CAB39: variants seen among roughly 807,000 people sequenced by gnomAD.
The protein encoded by CAB39 is calcium-binding protein 39.
CAB39 carries 8 observed loss-of-function variants against 40.0 expected under a neutral mutation model. That is an observed-to-expected ratio of 0.20 (90% CI 0.12 to 0.36). The LOEUF is 0.36. Ranked by LOEUF, CAB39 falls within the 10% of genes least tolerant of loss-of-function variation. The pLI, the probability that CAB39 is intolerant of heterozygous loss-of-function variation, is 1.00. For synonymous variants in CAB39, 156 were observed against 141.6 expected (o/e 1.10, Z -0.72); for missense variants, 270 against 401.1 (o/e 0.67, Z 2.79).
Position 230,819,982 on chromosome 2 carries a change from G to A in CAB39, c.*1278G>A, listed in dbSNP as rs995052894. The A allele has an allele frequency of 1.4e-4, 21 of 152,546 alleles. No individual in the cohort carries two copies. Among genetic ancestry groups the A allele is most frequent in the Non-Finnish European group, 2.6e-4 (18 of 68,014 alleles). The allele number at this position is 152,546 out of a possible 1,614,324, so 9.4% of individuals were successfully genotyped here. On this transcript the variant is annotated 3_prime_UTR_variant, in exon 9 of 9. Coordinates refer to ENST00000258418, the MANE Select transcript of CAB39 (RefSeq NM_016289.4). ...GGAAAAGACGACTTCCTAGTCATAG[G>A]TGTCCTATGGGGAAATTTATTTTTT...
At chr2:230,790,423 C>CTT (rs1695873969) in intron 2 of CAB39, among the ~76,000 whole-genome samples, 1 of 152,112 alleles carries the variant, frequency 6.6e-6, no homozygotes, top group Non-Finnish European at 1.5e-5. Context: ...TTATTTCCTC[C>CTT]ACACCTTTTC....
In CAB39 at chr2:230,775,660, A is replaced by G. The variant is rs1419861165; in HGVS notation, c.115-15212A>G. On this transcript the variant is annotated intron_variant, in intron 2 of 8. Transcript: ENST00000258418. Reference sequence around the variant, plus strand: ...TCCCTTCAAAATTATTTCTAAAAAGATGACTTAACAGTGGTGCGCATTGGA... The same window carrying G: ...TCCCTTCAAAATTATTTCTAAAAAGGTGACTTAACAGTGGTGCGCATTGGA... 3.9e-5 allele frequency among the ~76,000 whole-genome samples: 6 copies of G among 152,062 alleles called. No homozygotes were observed. The East Asian group carries it at 1.2e-3, about 29-fold the overall frequency.
chr2:230,783,194 C>T (rs1039911442), intron 2 of CAB39, among the ~76,000 whole-genome samples: 2 of 152,126 alleles, frequency 1.3e-5, no homozygotes, highest in Non-Finnish European at 2.9e-5. Flanking sequence ...AGCTTGGGGA[C>T]TTGTCCACAC....
At position 230,735,366 on chromosome 2, in the gene CAB39, C is replaced by T. The variant is rs145246524; in HGVS notation, c.-44+22136C>T. Among the ~76,000 whole-genome samples the T allele has an allele frequency of 1.2e-3, 185 of 152,232 alleles. 2 individuals carry two copies. Among genetic ancestry groups the T allele is most frequent in the East Asian group, 8.9e-3 (46 of 5,176 alleles). ...ATTTTTAGTAGAGATGGGGTTTCAC[C>T]ATGTTGGCCAGGCTGGTCTTGAACT... On this transcript the variant is annotated intron_variant, in intron 1 of 8. Transcript: ENST00000258418.
intron 5 of CAB39, among the ~76,000 whole-genome samples, chr2:230,803,825 A>G (rs1470323665): frequency 6.6e-6 from 1 of 152,252 alleles, no homozygotes; most frequent in Non-Finnish European, 1.5e-5. Context: ...CATACTGCCC[A>G]AGGTAATTTA....
At position 230,764,882 on chromosome 2, in the gene CAB39, A is replaced by G. The variant is rs548746037; in HGVS notation, c.114+4767A>G. On this transcript the variant is annotated intron_variant, in intron 2 of 8. Transcript: ENST00000258418. ...GGAGCCAAAGGTACTTTATATGTAC[A>G]TGCCATTTGTTAACTCCAAGTGTTA... Among the ~76,000 whole-genome samples the G allele has an allele frequency of 3.3e-5, 5 of 152,390 alleles. No homozygotes were observed. The East Asian group carries it at 9.6e-4, about 29-fold the overall frequency.
intron 1 of CAB39, among the ~76,000 whole-genome samples, chr2:230,756,807 C>G (rs1394503009): frequency 6.6e-6 from 1 of 152,074 alleles, no homozygotes; most frequent in East Asian, 1.9e-4. Flanking sequence ...ATTCTCCTGC[C>G]TCAGCCTCCT....
At position 230,745,867 on chromosome 2, in the gene CAB39, C is replaced by T. The variant is rs9917374; in HGVS notation, c.-43-14092C>T. ...TTCTTGATCCCCTGACCTTGTGATC[C>T]GCCTGCTTCGGCCTCCCAAAGTGCT... On this transcript the variant is annotated intron_variant, in intron 1 of 8. Coordinates refer to ENST00000258418, the MANE Select transcript of CAB39 (RefSeq NM_016289.4). Among the ~76,000 whole-genome samples the T allele has an allele frequency of 9.5e-3, 1,451 of 152,116 alleles. 21 individuals carry two copies. The highest frequency in any genetic ancestry group is 0.032 in the African/African-American group (1,335 of 41,488).
chr2:230,727,416 C>CT (rs1254776167), intron 1 of CAB39, among the ~76,000 whole-genome samples: 2,906 of 84,736 alleles, frequency 0.034, 48 homozygotes, highest in Middle Eastern at 0.042. Context: ...TTTTCTTTTT[C>CT]TTTTTTTTTT....
Position 230,725,055 on chromosome 2 carries a change from C to G in CAB39, c.-44+11825C>G, listed in dbSNP as rs1575900499. On this transcript the variant is annotated intron_variant, in intron 1 of 8. Transcript: ENST00000258418. ...CGGAGGTGAGTACAACAATAGCAAT[C>G]TTTTCCTTCGTAGAGGACAGGGGAG... 4.7e-6 allele frequency: 7 copies of G among 1,474,758 alleles called. No individual in the cohort carries two copies. In the East Asian group the frequency reaches 1.6e-4, roughly 34 times the overall value. 91.4% of individuals were successfully genotyped at this position (1,474,758 alleles called of 1,614,324 possible). A position where few individuals can be genotyped will look rare whatever the true frequency, so the allele number is the denominator to read the frequency against.
intron 2 of CAB39, among the ~76,000 whole-genome samples, chr2:230,762,484 C>T (rs753435138): frequency 5.3e-5 from 8 of 152,184 alleles, no homozygotes; most frequent in Non-Finnish European, 1.2e-4. Flanking sequence ...AGGCAGCTAA[C>T]AGCCAGCAAA....
intron 1 of CAB39, among the ~76,000 whole-genome samples, chr2:230,717,864 C>T (rs925642429): frequency 6.6e-6 from 1 of 152,178 alleles, no homozygotes; most frequent in Non-Finnish European, 1.5e-5. Flanking sequence ...CAGAGGAAGG[C>T]AGGATGGCAT....
At chr2:230,745,299 T>C (rs575007107) in intron 1 of CAB39, among the ~76,000 whole-genome samples, 1 of 152,352 alleles carries the variant, frequency 6.6e-6, no homozygotes, top group South Asian at 2.1e-4. Flanking sequence ...TGCCTCTCTA[T>C]TCTGGAAAGG....
chr2:230,777,155 G>A (rs1418588774), intron 2 of CAB39, among the ~76,000 whole-genome samples: 3 of 142,126 alleles, frequency 2.1e-5, no homozygotes, highest in Non-Finnish European at 3.0e-5. Context: ...TGTATATGAT[G>A]TATGTTCATT....
At chr2:230,747,801 G>T (rs1280294865) in intron 1 of CAB39, among the ~76,000 whole-genome samples, 1 of 152,186 alleles carries the variant, frequency 6.6e-6, no homozygotes, top group Non-Finnish European at 1.5e-5. Context: ...AGCTTCAACA[G>T]TTAATACTTT....
Position 230,757,382 on chromosome 2 carries a change from C to G in CAB39, c.-43-2577C>G, listed in dbSNP as rs577277838. 3.3e-5 allele frequency among the ~76,000 whole-genome samples: 5 copies of G among 152,344 alleles called. No individual in the cohort carries two copies. The East Asian group carries it at 9.6e-4, about 29-fold the overall frequency. Reference sequence around the variant, plus strand: ...AAAGTGCTGAGATTACAGACGTGAGCTGCCTCACCTGGCCTGTATTTCTGT... The same window carrying G: ...AAAGTGCTGAGATTACAGACGTGAGGTGCCTCACCTGGCCTGTATTTCTGT... On this transcript the variant is annotated intron_variant, in intron 1 of 8. Transcript: ENST00000258418.
chr2:230,726,944 C>T (rs534625444), intron 1 of CAB39, among the ~76,000 whole-genome samples: 104 of 150,272 alleles, frequency 6.9e-4, no homozygotes, highest in South Asian at 1.7e-3. Context: ...TGCTGATGCC[C>T]TTTGGTGTTT....
intron 5 of CAB39, among the ~76,000 whole-genome samples, chr2:230,809,461 G>C (rs944297200): frequency 6.6e-6 from 1 of 152,186 alleles, no homozygotes; most frequent in Non-Finnish European, 1.5e-5. Context: ...AGGCCTTCCT[G>C]CTGTCACTTG....
chr2:230,778,166 G>C (rs1199031965), intron 2 of CAB39, among the ~76,000 whole-genome samples: 1 of 152,158 alleles, frequency 6.6e-6, no homozygotes, highest in Admixed American at 6.5e-5. Context: ...TCTATATTGA[G>C]GTTAGAATTG....
Sources: gnomAD v4.1 joint callset for allele counts (sites outside exome capture counted in the v4.1 genomes callset) on GRCh38, gnomAD v4.1.1 for gene constraint, MANE v1.5 for transcripts, NCBI Gene and HGNC (gene_info 2026-07-23, HGNC 2026-07-21) for gene names.